The following FSTL5 variants were observed in gnomAD, a reference collection of about 807,000 sequenced individuals.
FSTL5 encodes the protein follistatin like 5, also known as follistatin-related protein 5.
In FSTL5, 62 loss-of-function variants were observed where a neutral mutation model predicts 89.1. The ratio of observed to expected loss-of-function variants is 0.70; its 90% CI spans 0.57 to 0.86. The LOEUF is 0.86. Ranked by LOEUF, FSTL5 falls within the 40% of genes least tolerant of loss-of-function variation. The probability of loss-of-function intolerance (pLI) is 0.00; values close to 1 mark genes in which losing one functional copy is unlikely to be tolerated. For synonymous variants in FSTL5, 383 were observed against 346.2 expected (o/e 1.11, Z -1.18); for missense variants, 1,057 against 1,001.6 (o/e 1.06, Z -0.75).
chr4:161,855,213 T>A (rs1731686067), intron 4 of FSTL5, among the ~76,000 whole-genome samples: 1 of 152,018 alleles, frequency 6.6e-6, no homozygotes, highest in African/African-American at 2.4e-5. Flanking sequence ...TTAGCAAAGT[T>A]TTATGCTCTG....
chr4:161,713,307 A>T (rs1738860963), intron 6 of FSTL5, among the ~76,000 whole-genome samples: 1 of 152,232 alleles, frequency 6.6e-6, no homozygotes, highest in African/African-American at 2.4e-5. Flanking sequence ...TGGCTACTGC[A>T]TAAACAATGG....
At chr4:161,431,935 T>C (rs991016334) in intron 15 of FSTL5, among the ~76,000 whole-genome samples, 3 of 152,080 alleles carry the variant, frequency 2.0e-5, no homozygotes, top group African/African-American at 7.2e-5. Flanking sequence ...AATATATATG[T>C]ATCCAATAGT....
intron 7 of FSTL5, among the ~76,000 whole-genome samples, chr4:161,596,033 C>A (rs1734002276): frequency 6.6e-6 from 1 of 151,736 alleles, no homozygotes; most frequent in South Asian, 2.1e-4. Flanking sequence ...ATTTTCCTAG[C>A]TTTTTATGTA....
At chr4:161,553,471 A>C (rs762052420) in intron 8 of FSTL5, among the ~76,000 whole-genome samples, 41 of 151,440 alleles carry the variant, frequency 2.7e-4, no homozygotes, top group Non-Finnish European at 5.6e-4. Context: ...ATATATAGCT[A>C]TTCACTGAGC....
chr4:161,505,821 T>A lies in FSTL5; in HGVS notation c.1339+4577A>T, dbSNP rs191969756. ...AAGATCAAATTTTTGATGAAAAAAATTGTAAAATGATTTAAAAAGCTTAGA... is the reference window on the plus strand; with the variant it reads ...AAGATCAAATTTTTGATGAAAAAAAATGTAAAATGATTTAAAAAGCTTAGA... On this transcript the variant is annotated intron_variant, in intron 11 of 15. Coordinates refer to ENST00000306100, the MANE Select transcript of FSTL5 (RefSeq NM_020116.5). Among the ~76,000 whole-genome samples, 329 of 152,030 alleles carry A rather than the reference T, an allele frequency of 2.2e-3. 1 individual carries two copies. The highest frequency in any genetic ancestry group is 7.8e-3 in the African/African-American group (323 of 41,462).
chr4:161,807,503 C>T (rs1050397227), intron 4 of FSTL5, among the ~76,000 whole-genome samples: 2 of 152,074 alleles, frequency 1.3e-5, no homozygotes, highest in African/African-American at 2.4e-5. Context: ...ATTTGTAATA[C>T]TGTGCATGAA....
intron 3 of FSTL5, among the ~76,000 whole-genome samples, chr4:161,956,653 G>A (rs1228622248): frequency 6.6e-6 from 1 of 151,768 alleles, no homozygotes; most frequent in African/African-American, 2.4e-5. Flanking sequence ...ATATAACTTG[G>A]GGAAAATGAT....
rs1266003227 is a variant in FSTL5 at position 161,454,303 on chromosome 4, A to G, written c.1841+701T>C. 3.3e-5 allele frequency among the ~76,000 whole-genome samples: 5 copies of G among 152,300 alleles called. No homozygotes were observed. In the East Asian group the frequency reaches 9.7e-4, roughly 29 times the overall value. ...GCAAATATTTTTAAATTGTTTCAAC[A>G]GATTTTAAAGATACATAATACTAAA... is the stretch of plus-strand genomic sequence containing the variant. On this transcript the variant is annotated intron_variant, in intron 15 of 15. Transcript: ENST00000306100.
At chr4:161,539,902 CTTT>C (rs11326261) in intron 9 of FSTL5, among the ~76,000 whole-genome samples, 118 of 127,336 alleles carry the variant, frequency 9.3e-4, no homozygotes, top group East Asian at 2.5e-3. Flanking sequence ...AAAATCATAC[CTTT>C]TTTTTTTTTT....
chr4:161,871,256 C>T (rs980962623), intron 4 of FSTL5, among the ~76,000 whole-genome samples: 7 of 152,010 alleles, frequency 4.6e-5, no homozygotes, highest in African/African-American at 1.7e-4. Context: ...TAGAACATAA[C>T]ATAGATATTA....
At chr4:161,459,396 T>C in intron 13 of FSTL5, 77 bp from the exon 14 acceptor site, 5 of 754,904 alleles carry the variant, frequency 6.6e-6, no homozygotes, top group African/African-American at 1.7e-5. Context: ...TTATGAAGAT[T>C]CTAATTTAGA....
At chr4:161,560,518 T>C (rs1031473989) in intron 8 of FSTL5, among the ~76,000 whole-genome samples, 10 of 151,930 alleles carry the variant, frequency 6.6e-5, no homozygotes, top group African/African-American at 2.4e-4. Context: ...TAGCTTCAAA[T>C]ATACATTGTA....
chr4:161,906,794 G>A (rs2110814213), intron 4 of FSTL5, among the ~76,000 whole-genome samples: 1 of 152,062 alleles, frequency 6.6e-6, no homozygotes, highest in Non-Finnish European at 1.5e-5. Flanking sequence ...TTTATTTTTT[G>A]TTCCTGTTGC....
chr4:161,730,981 A>T (rs1220924129), intron 6 of FSTL5, among the ~76,000 whole-genome samples: 1 of 152,222 alleles, frequency 6.6e-6, no homozygotes, highest in African/African-American at 2.4e-5. Context: ...AATAAATATA[A>T]ATCTATAAAT....
intron 4 of FSTL5, among the ~76,000 whole-genome samples, chr4:161,793,773 T>A (rs563087445): frequency 6.6e-6 from 1 of 151,734 alleles, no homozygotes; most frequent in Non-Finnish European, 1.5e-5. Context: ...TGTGCCTGGC[T>A]AATTTTTGTA....
intron 5 of FSTL5, among the ~76,000 whole-genome samples, chr4:161,769,852 G>A (rs763847596): frequency 6.6e-6 from 1 of 151,462 alleles, no homozygotes. Flanking sequence ...TGGAAAGAAA[G>A]AAGTCAAATT....
chr4:161,732,361 T>G (rs1245490489), intron 6 of FSTL5, among the ~76,000 whole-genome samples: 2 of 152,046 alleles, frequency 1.3e-5, no homozygotes, highest in African/African-American at 2.4e-5. Context: ...CCCCTGTTAT[T>G]GGGTGGAAGA....
chr4:162,146,793 T>G (rs933254149), intron 1 of FSTL5, among the ~76,000 whole-genome samples: 3 of 150,914 alleles, frequency 2.0e-5, no homozygotes, highest in Admixed American at 1.3e-4. Flanking sequence ...TGTTTTCTTT[T>G]TGTGTGTGTG....
chr4:161,578,597 T>C (rs1251526026), intron 8 of FSTL5, among the ~76,000 whole-genome samples: 1 of 151,998 alleles, frequency 6.6e-6, no homozygotes, highest in Non-Finnish European at 1.5e-5. Flanking sequence ...TAAAAATATA[T>C]ATCCCAAAGT....
Sources: allele counts gnomAD v4.1 joint callset (sites outside exome capture counted in the v4.1 genomes callset), GRCh38; gene constraint gnomAD v4.1.1; transcripts MANE v1.5; gene names NCBI Gene and HGNC (gene_info 2026-07-23, HGNC 2026-07-21).